Variants in SNX4 observed in about 807,000 individuals in gnomAD.
The protein encoded by SNX4 is sorting nexin 4.
SNX4 carries 49 observed loss-of-function variants against 70.8 expected under a neutral mutation model. The observed-to-expected ratio is 0.69, with a 90% CI of 0.55 to 0.88. The LOEUF is 0.88. Among genes scored for constraint, SNX4 ranks in the 40% least tolerant of loss-of-function variants. The pLI is 0.00. For synonymous variants in SNX4, 206 were observed against 183.8 expected, an observed-to-expected ratio of 1.12 and a Z score of -0.98; for missense variants, 528 against 544.8, an observed-to-expected ratio of 0.97 and a Z score of 0.31.
At chr3:125,470,613 T>C (rs1399215085) in intron 8 of SNX4, among the ~76,000 whole-genome samples, 3 of 151,910 alleles carry the variant, frequency 2.0e-5, no homozygotes, top group Non-Finnish European at 2.9e-5. Flanking sequence ...GTCGCTCTAG[T>C]ATTTTGTAGC....
At chr3:125,471,743 T>C (rs1470614149) in intron 8 of SNX4, among the ~76,000 whole-genome samples, 1 of 152,238 alleles carries the variant, frequency 6.6e-6, no homozygotes, top group Non-Finnish European at 1.5e-5. Flanking sequence ...TCTAAGTCTT[T>C]TGCAGAGTGA....
chr3:125,452,199 G>A (rs1308318666), intron 12 of SNX4, among the ~76,000 whole-genome samples: 1 of 150,964 alleles, frequency 6.6e-6, no homozygotes, highest in Non-Finnish European at 1.5e-5. Context: ...TCCACATCCA[G>A]GGTTCTTGCC....
At chr3:125,448,847 T>C (rs1933497940) in intron 13 of SNX4, among the ~76,000 whole-genome samples, 2 of 151,796 alleles carry the variant, frequency 1.3e-5, no homozygotes, top group African/African-American at 4.8e-5. Flanking sequence ...AGCTAATTTT[T>C]TGTATTTTTA....
intron 10 of SNX4, 152 bp downstream of exon 10, chr3:125,460,619 T>G: frequency 2.4e-6 from 1 of 413,486 alleles, no homozygotes. Flanking sequence ...TGCCTAGCAC[T>G]CTGCAACACA....
At chr3:125,519,954 GCCCA>G in intron 1 of SNX4, 74 bp downstream of exon 1, 2 of 1,081,874 alleles carry the variant, frequency 1.8e-6, no homozygotes, top group Admixed American at 3.8e-5. Context: ...GCCCGGCCCA[GCCCA>G]GCCCAGCCCA....
intron 9 of SNX4, among the ~76,000 whole-genome samples, chr3:125,465,408 G>A (rs1347544545): frequency 6.6e-6 from 1 of 151,462 alleles, no homozygotes; most frequent in East Asian, 2.0e-4. Context: ...ACCACACCTG[G>A]CTAATTTATT....
At chr3:125,486,706 A>G (rs534966865) in intron 6 of SNX4, among the ~76,000 whole-genome samples, 22 of 152,190 alleles carry the variant, frequency 1.4e-4, no homozygotes, top group Non-Finnish European at 2.5e-4. Flanking sequence ...TTTATTTGCA[A>G]CAATATAAGA....
intron 1 of SNX4, among the ~76,000 whole-genome samples, chr3:125,512,691 C>T (rs765248646): frequency 7.9e-5 from 12 of 151,968 alleles, no homozygotes; most frequent in African/African-American, 1.9e-4. Flanking sequence ...GAAGAGGTAT[C>T]GCTATGTTGC....
chr3:125,448,894 G>A (rs1458962132), intron 13 of SNX4, among the ~76,000 whole-genome samples: 2 of 151,474 alleles, frequency 1.3e-5, no homozygotes, highest in African/African-American at 4.9e-5. Context: ...AGGCAGGATG[G>A]TGTCGATCTC....
chr3:125,516,472 G>C (rs1935279539), intron 1 of SNX4, among the ~76,000 whole-genome samples: 1 of 152,146 alleles, frequency 6.6e-6, no homozygotes, highest in South Asian at 2.1e-4. Flanking sequence ...GTGACTCTTT[G>C]GCGGTGCAGT....
At chr3:125,451,250 T>A (rs1009268883) in intron 13 of SNX4, 55 bp downstream of exon 13, 2 of 1,176,174 alleles carry the variant, frequency 1.7e-6, no homozygotes, top group Non-Finnish European at 2.4e-6. Context: ...TTTAAATACA[T>A]GTATAAGCAC....
intron 1 of SNX4, among the ~76,000 whole-genome samples, chr3:125,516,334 CT>C (rs1935276966): frequency 6.6e-6 from 1 of 152,140 alleles, no homozygotes; most frequent in African/African-American, 2.4e-5. Context: ...AATGAATTCC[CT>C]TCTCATATTT....
At chr3:125,497,078 C>CT (rs1238148199) in intron 5 of SNX4, among the ~76,000 whole-genome samples, 2,637 of 134,976 alleles carry the variant, frequency 0.02, 78 homozygotes, top group African/African-American at 0.076. Flanking sequence ...TAAACACTAA[C>CT]TAAAAAAAAA....
At chr3:125,495,596 A>T (rs1934776572) in intron 5 of SNX4, among the ~76,000 whole-genome samples, 1 of 151,736 alleles carries the variant, frequency 6.6e-6, no homozygotes, top group African/African-American at 2.4e-5. Context: ...CATTCTATCT[A>T]AATACTTAAG....
chr3:125,485,123 A>G (rs1934492677), intron 6 of SNX4, among the ~76,000 whole-genome samples: 2 of 151,884 alleles, frequency 1.3e-5, no homozygotes, highest in Non-Finnish European at 1.5e-5. Flanking sequence ...GCACTTGCCT[A>G]TAGTCCCAGT....
chr3:125,474,186 G>A (rs565237886), intron 8 of SNX4, among the ~76,000 whole-genome samples: 1 of 152,156 alleles, frequency 6.6e-6, no homozygotes, highest in African/African-American at 2.4e-5. Context: ...AAATCCACTG[G>A]TAAGTCTATC....
chr3:125,519,991 A>G (rs751480125), intron 1 of SNX4, 41 bp downstream of exon 1: 1 of 851,614 alleles, frequency 1.2e-6, no homozygotes, highest in South Asian at 1.5e-5. Context: ...CCGCTAGGCC[A>G]CCACACAGGC....
At chr3:125,457,726 C>T (rs1373787088) in intron 10 of SNX4, among the ~76,000 whole-genome samples, 1 of 151,652 alleles carries the variant, frequency 6.6e-6, no homozygotes, top group African/African-American at 2.4e-5. Flanking sequence ...TACAGGCATG[C>T]GCCACCACAC....
At chr3:125,502,340 AT>A (rs1934945997) in intron 2 of SNX4, among the ~76,000 whole-genome samples, 1 of 118,170 alleles carries the variant, frequency 8.5e-6, no homozygotes, top group African/African-American at 4.1e-5. Flanking sequence ...CTGTATAAAA[AT>A]TTTCTTTCTT....
Sources: allele counts gnomAD v4.1 joint callset (sites outside exome capture counted in the v4.1 genomes callset), GRCh38; gene constraint gnomAD v4.1.1; transcripts MANE v1.5; gene names NCBI Gene and HGNC (gene_info 2026-07-23, HGNC 2026-07-21).